The following FARP1 variants were observed in gnomAD, a reference collection of about 807,000 sequenced individuals.
FARP1 encodes FERM, ARH/RhoGEF and pleckstrin domain protein 1, also known as FERM, ARHGEF and pleckstrin domain-containing protein 1.
In FARP1, 52 loss-of-function variants were observed where a neutral mutation model predicts 128.8. That is an observed-to-expected ratio of 0.40 (90% CI 0.32 to 0.51). The LOEUF is 0.51. Ranked by LOEUF, FARP1 falls within the 20% of genes least tolerant of loss-of-function variation. The probability of loss-of-function intolerance (pLI) is 0.45; values close to 1 mark genes in which losing one functional copy is unlikely to be tolerated. For missense variants in FARP1, 1,333 were observed against 1,367.9 expected (o/e 0.97, Z 0.40); for synonymous variants, 580 against 551.8 (o/e 1.05, Z -0.72).
At chr13:98,268,227 TG>T (rs1884219866) in intron 2 of FARP1, among the ~76,000 whole-genome samples, 1 of 152,190 alleles carries the variant, frequency 6.6e-6, no homozygotes, top group South Asian at 2.1e-4. Flanking sequence ...GGGTTGCCTG[TG>T]GGGGCTCTTG....
At chr13:98,211,815 A>G (rs1258562463) in intron 1 of FARP1, among the ~76,000 whole-genome samples, 2 of 152,238 alleles carry the variant, frequency 1.3e-5, no homozygotes, top group Admixed American at 6.5e-5. Flanking sequence ...ATGCAGCCAC[A>G]TATAAATATA....
At chr13:98,355,471 C>G (rs556330736) in intron 3 of FARP1, among the ~76,000 whole-genome samples, 1 of 152,268 alleles carries the variant, frequency 6.6e-6, no homozygotes, top group African/African-American at 2.4e-5. Context: ...GCATGGTCCA[C>G]AGACCAACAA....
intron 5 of FARP1, among the ~76,000 whole-genome samples, chr13:98,370,566 T>G: frequency 8.4e-6 from 1 of 118,520 alleles, no homozygotes; most frequent in Non-Finnish European, 1.7e-5. Flanking sequence ...GATTTTTGGC[T>G]TGAGTGACTG....
intron 5 of FARP1, among the ~76,000 whole-genome samples, chr13:98,369,300 T>C (rs1889227834): frequency 1.3e-5 from 2 of 151,356 alleles, no homozygotes; most frequent in Non-Finnish European, 2.9e-5. Flanking sequence ...GTGGATAAAA[T>C]GATTCCCTTT....
intron 2 of FARP1, among the ~76,000 whole-genome samples, chr13:98,314,241 C>A (rs565495383): frequency 1.7e-4 from 25 of 143,664 alleles, no homozygotes; most frequent in Non-Finnish European, 2.6e-4. Flanking sequence ...ACCTGGCATT[C>A]TGCTGGTTAG....
rs1566935342 is a variant in FARP1, at chr13:98,379,183, A to ATATAATCTATATATAATC, written c.496+1269_496+1270insATCTATATATAATCTATA. 8.2e-4 allele frequency among the ~76,000 whole-genome samples: 59 copies of ATATAATCTATATATAATC among 71,542 alleles called. 17 individuals carry two copies. The highest frequency in any genetic ancestry group is 5.1e-3 in the African/African-American group (58 of 11,344). The allele number at this position is 71,542 out of a possible 152,430, so 46.9% of individuals were successfully genotyped here. ...ATATAATATATAATCTATATATAAT[A>ATATAATCTATATATAATC]TATATAATATATAATATATATATAA... On this transcript the variant is annotated intron_variant, in intron 6 of 26. Transcript: ENST00000319562.
chr13:98,168,126 C>T (rs75706900), intron 1 of FARP1, among the ~76,000 whole-genome samples: 14,037 of 150,460 alleles, frequency 0.093, 850 homozygotes, highest in African/African-American at 0.16. Context: ...GAGCCAAGAT[C>T]GTGCCACTGC....
intron 3 of FARP1, among the ~76,000 whole-genome samples, chr13:98,360,975 T>G (rs1054696662): frequency 5.9e-5 from 9 of 152,190 alleles, no homozygotes; most frequent in Non-Finnish European, 8.8e-5. Context: ...CATCGGTAAC[T>G]GGTTTCTGTG....
At chr13:98,412,416 C>T (rs79985158) in intron 16 of FARP1, among the ~76,000 whole-genome samples, 1,565 of 152,324 alleles carry the variant, frequency 0.01, 23 homozygotes, top group African/African-American at 0.036. Context: ...GAAGTACATA[C>T]ATGCCTTGTG....
At position 98,343,812 on chromosome 13, in the gene FARP1, C is replaced by T. The variant is rs143193447; in HGVS notation, c.222C>T (p.Asn74=). The change falls in exon 3 of 27, where the codon AAC becomes AAT. Residue 74 remains asparagine (N), a synonymous_variant. Transcript: ENST00000319562. ...TGGATGCAGTTTGCAACCACCTCAA[C>T]CTCGTGGAAGGTGACTATTTTGGCC... The part of the protein sequence containing the change: ...VLLDAVCNHL[N]LVEGDYFGLE... 419 of 1,614,136 alleles carry T rather than the reference C, an allele frequency of 2.6e-4. No homozygotes were observed. The African/African-American group carries it at 5.0e-3, about 19-fold the overall frequency.
chr13:98,189,715 TA>T (rs1879103237), intron 1 of FARP1, among the ~76,000 whole-genome samples: 1 of 152,220 alleles, frequency 6.6e-6, no homozygotes, highest in South Asian at 2.1e-4. Context: ...ATTTTCAATT[TA>T]AAAACTAGTT....
At chr13:98,257,439 C>T (rs1883665606) in intron 2 of FARP1, among the ~76,000 whole-genome samples, 3 of 151,076 alleles carry the variant, frequency 2.0e-5, no homozygotes, top group African/African-American at 7.4e-5. Context: ...CTTCTTTCTG[C>T]ACTATCTATT....
chr13:98,348,034 T>C (rs568788924), intron 3 of FARP1, among the ~76,000 whole-genome samples: 2 of 152,346 alleles, frequency 1.3e-5, no homozygotes, highest in South Asian at 4.1e-4. Flanking sequence ...CAGAGCCTTA[T>C]TCATAGTAAG....
chr13:98,315,656 G>A (rs568270822), intron 2 of FARP1, among the ~76,000 whole-genome samples: 1 of 152,226 alleles, frequency 6.6e-6, no homozygotes, highest in Admixed American at 6.5e-5. Flanking sequence ...GCCGTGCTTA[G>A]GAGCTCACAT....
At chr13:98,407,993 T>C (rs1405114698) in intron 13 of FARP1, among the ~76,000 whole-genome samples, 3 of 152,172 alleles carry the variant, frequency 2.0e-5, no homozygotes, top group Non-Finnish European at 2.9e-5. Context: ...CTCCACCTTT[T>C]CCCTTAGAGA....
At chr13:98,418,090 C>G (rs1891455386) in intron 16 of FARP1, among the ~76,000 whole-genome samples, 1 of 152,118 alleles carries the variant, frequency 6.6e-6, no homozygotes, top group Non-Finnish European at 1.5e-5. Flanking sequence ...CGCTCTGTTG[C>G]CCAGGCTGGA....
chr13:98,420,247 C>T (rs1170683564), intron 16 of FARP1, among the ~76,000 whole-genome samples: 4 of 152,122 alleles, frequency 2.6e-5, no homozygotes, highest in African/African-American at 7.2e-5. Flanking sequence ...CTGCCTGCGA[C>T]GACAGCCCAC....
At chr13:98,360,456 A>C (rs765292745) in intron 3 of FARP1, among the ~76,000 whole-genome samples, 1 of 113,548 alleles carries the variant, frequency 8.8e-6, no homozygotes, top group Non-Finnish European at 2.1e-5. Context: ...ACTCCTTAAA[A>C]GAGGCCACTT....
intron 2 of FARP1, among the ~76,000 whole-genome samples, chr13:98,284,569 A>T (rs1885079737): frequency 6.6e-6 from 1 of 152,252 alleles, no homozygotes; most frequent in Non-Finnish European, 1.5e-5. Context: ...TTACGGAATT[A>T]GATGAATGAA....
Sources: gnomAD v4.1 joint callset for allele counts (sites outside exome capture counted in the v4.1 genomes callset) on GRCh38, gnomAD v4.1.1 for gene constraint, MANE v1.5 for transcripts, NCBI Gene and HGNC (gene_info 2026-07-23, HGNC 2026-07-21) for gene names.